Variants in PLXNA4 observed in about 807,000 individuals in gnomAD.
PLXNA4 encodes plexin-A4.
Under a neutral mutation model 191.8 loss-of-function variants are expected in PLXNA4, and 44 were observed. That is an observed-to-expected ratio of 0.23 (90% CI 0.18 to 0.29). The LOEUF (loss-of-function observed/expected upper bound fraction) is 0.29, where lower values mean the gene tolerates loss of function less well. PLXNA4 is among the 10% of genes least tolerant of loss of function. The pLI, the probability that PLXNA4 is intolerant of heterozygous loss-of-function variation, is 1.00. For missense variants in PLXNA4, 1,800 were observed against 2,488.8 expected (o/e 0.72, Z 5.89); for synonymous variants, 1,082 against 1,009.5 (o/e 1.07, Z -1.36).
intron 3 of PLXNA4, among the ~76,000 whole-genome samples, chr7:132,299,734 T>C (rs1801235402): frequency 6.6e-6 from 1 of 152,180 alleles, no homozygotes; most frequent in Non-Finnish European, 1.5e-5. Flanking sequence ...AACCCACTCC[T>C]TGCTTCCCAG....
At chr7:132,150,878 C>T (rs1795576007) in intron 25 of PLXNA4, among the ~76,000 whole-genome samples, 1 of 152,198 alleles carries the variant, frequency 6.6e-6, no homozygotes, top group Non-Finnish European at 1.5e-5. Context: ...GTGCAGTGCA[C>T]AGCCTGGGCG....
chr7:132,140,528 G>C, intron 30 of PLXNA4, 71 bp downstream of exon 30: 1 of 1,574,464 alleles, frequency 6.4e-7, no homozygotes, highest in Non-Finnish European at 8.6e-7. Context: ...TGATGGGGAG[G>C]GGACCTTTTG....
At chr7:132,417,735 G>A (rs1013745658) in intron 3 of PLXNA4, among the ~76,000 whole-genome samples, 3 of 151,852 alleles carry the variant, frequency 2.0e-5, no homozygotes, top group East Asian at 3.9e-4. Context: ...AGGGAGAGAC[G>A]GAGGGAGAGA....
At chr7:132,275,478 A>G (rs1275784111) in intron 4 of PLXNA4, among the ~76,000 whole-genome samples, 2 of 152,206 alleles carry the variant, frequency 1.3e-5, no homozygotes, top group African/African-American at 2.4e-5. Flanking sequence ...CAGACACTTA[A>G]AATTGGTGAT....
At chr7:132,573,745 C>G (rs975024825) in intron 1 of PLXNA4, among the ~76,000 whole-genome samples, 1 of 152,162 alleles carries the variant, frequency 6.6e-6, no homozygotes, top group Non-Finnish European at 1.5e-5. Flanking sequence ...CCTGGGAGGA[C>G]AGATGAGAGC....
At chr7:132,395,633 G>A (rs1172288825) in intron 3 of PLXNA4, among the ~76,000 whole-genome samples, 1 of 152,254 alleles carries the variant, frequency 6.6e-6, no homozygotes, top group African/African-American at 2.4e-5. Flanking sequence ...TGGCACCCAT[G>A]CAGGCAGCCT....
At chr7:132,511,567 T>G (rs1798715639) in intron 1 of PLXNA4, among the ~76,000 whole-genome samples, 1 of 152,234 alleles carries the variant, frequency 6.6e-6, no homozygotes. Context: ...AGGTGAGTTC[T>G]GTGGTTTACC....
chr7:132,357,196 C>A (rs1049764467), intron 3 of PLXNA4, among the ~76,000 whole-genome samples: 1 of 152,132 alleles, frequency 6.6e-6, no homozygotes, highest in African/African-American at 2.4e-5. Context: ...TTTTTCATGG[C>A]AGCCACAGGA....
intron 2 of PLXNA4, among the ~76,000 whole-genome samples, chr7:132,629,974 C>T (rs1004789668): frequency 2.6e-5 from 4 of 152,086 alleles, no homozygotes; most frequent in South Asian, 2.1e-4. Context: ...CTCAGCCTCC[C>T]GAGTAGCTGG....
intron 29 of PLXNA4, among the ~76,000 whole-genome samples, chr7:132,142,704 A>C (rs1311966788): frequency 6.6e-6 from 1 of 152,196 alleles, no homozygotes; most frequent in African/African-American, 2.4e-5. Context: ...GAAAGCTCAG[A>C]CAGCCACAAC....
Position 132,298,174 on chromosome 7 carries a change from G to T in PLXNA4, c.1420C>A (p.Gln474Lys), listed in dbSNP as rs777743560. Residue 474 changes from glutamine (Q) to lysine (K), a missense_variant, in exon 4 of 32, where the codon CAG (glutamine) becomes AAG (lysine). Around this residue, in one of 6 missense-constraint regions of PLXNA4, gnomAD observed 1,397 missense variants for 1,880.4 expected, o/e 0.74. Coordinates refer to ENST00000321063, the MANE Select transcript of PLXNA4 (RefSeq NM_020911.2). ...AGGACTGGGCCGGGGTCCACCACCT[G>T]CACCGTCTCATACTGGAGGGCGTTG... is the stretch of plus-strand genomic sequence containing the variant. The part of the protein sequence containing the change: ...RGNALQYETV[Q>K]VVDPGPVLRD... 22 of 1,614,074 alleles carry T rather than the reference G, an allele frequency of 1.4e-5. 1 individual carries two copies. In the Admixed American group the frequency reaches 3.5e-4, roughly 26 times the overall value.
chr7:132,227,462 A>T lies in PLXNA4; in HGVS notation c.1871T>A (p.Ile624Asn), dbSNP rs757094198. ...SPAAKEVPRI[I>N]TENGDHHVVQ... Reference sequence around the variant, plus strand: ...TCCGGGATGCTCACCATTCTCTGTGATGATCCGGGGCACCTCCTTGGCTGC... The same window carrying T: ...TCCGGGATGCTCACCATTCTCTGTGTTGATCCGGGGCACCTCCTTGGCTGC... Residue 624 changes from isoleucine (I) to asparagine (N), a missense_variant, in exon 7 of 32, where the codon ATC becomes AAC. Transcript: ENST00000321063. 54 of 1,614,038 alleles carry T rather than the reference A, an allele frequency of 3.3e-5. No individual in the cohort carries two copies. The highest frequency in any genetic ancestry group is 4.6e-5 in the Non-Finnish European group (54 of 1,180,046).
chr7:132,400,603 T>C (rs930510717), intron 3 of PLXNA4, among the ~76,000 whole-genome samples: 8 of 152,142 alleles, frequency 5.3e-5, no homozygotes, highest in African/African-American at 1.9e-4. Flanking sequence ...CCTTGATAGT[T>C]TTCAGGCAAA....
At chr7:132,212,917 A>G (rs1342166269) in intron 9 of PLXNA4, among the ~76,000 whole-genome samples, 1 of 152,230 alleles carries the variant, frequency 6.6e-6, no homozygotes, top group Non-Finnish European at 1.5e-5. Flanking sequence ...TTACGTGCCC[A>G]GAGGAACTGA....
chr7:132,279,018 T>C (rs1042318678), intron 4 of PLXNA4, among the ~76,000 whole-genome samples: 2 of 152,196 alleles, frequency 1.3e-5, no homozygotes, highest in African/African-American at 4.8e-5. Flanking sequence ...CAGGTGGTGA[T>C]AACAATGACT....
At chr7:132,609,218 G>A (rs1436023316) in intron 2 of PLXNA4, among the ~76,000 whole-genome samples, 1 of 152,132 alleles carries the variant, frequency 6.6e-6, no homozygotes, top group African/African-American at 2.4e-5. Context: ...TTTGAGTGCA[G>A]AGCCAGTCTC....
intron 10 of PLXNA4, among the ~76,000 whole-genome samples, chr7:132,206,469 T>C (rs1019385078): frequency 1.3e-5 from 2 of 149,536 alleles, no homozygotes; most frequent in African/African-American, 5.0e-5. Flanking sequence ...TGTGTGTGTG[T>C]GTGCGCATGT....
chr7:132,311,196 G>A (rs536751553), intron 3 of PLXNA4, among the ~76,000 whole-genome samples: 41 of 95,126 alleles, frequency 4.3e-4, no homozygotes, highest in African/African-American at 1.2e-3. Flanking sequence ...GTGTGTGTGC[G>A]CGTGTGGCCT....
At chr7:132,596,878 A>AAG (rs1554475998) in intron 2 of PLXNA4, among the ~76,000 whole-genome samples, 1 of 151,462 alleles carries the variant, frequency 6.6e-6, no homozygotes, top group Non-Finnish European at 1.5e-5. Context: ...AAAAAAAAAA[A>AAG]CAGCATGGAA....
Sources: gnomAD v4.1 joint callset for allele counts (sites outside exome capture counted in the v4.1 genomes callset) on GRCh38, gnomAD v4.1.1 for gene constraint, gnomAD v4.1.1 regional missense constraint, MANE v1.5 for transcripts, NCBI Gene and HGNC (gene_info 2026-07-23, HGNC 2026-07-21) for gene names.